Variants in NR6A1 observed in about 807,000 individuals in gnomAD.
NR6A1 encodes nuclear receptor subfamily 6 group A member 1, also known as retinoic acid receptor-related testis-associated receptor.
In NR6A1, 7 loss-of-function variants were observed where a neutral mutation model predicts 59.1. The observed-to-expected ratio is 0.12, with a 90% CI of 0.07 to 0.22. The LOEUF (loss-of-function observed/expected upper bound fraction) is 0.22, where lower values mean the gene tolerates loss of function less well. NR6A1 is among the 10% of genes least tolerant of loss of function. The pLI is 1.00. For synonymous variants in NR6A1, 243 were observed against 236.1 expected (o/e 1.03, Z -0.27); for missense variants, 468 against 611.6 (o/e 0.77, Z 2.48).
At chr9:124,636,044 A>C (rs1403553647) in intron 2 of NR6A1, among the ~76,000 whole-genome samples, 1 of 152,160 alleles carries the variant, frequency 6.6e-6, no homozygotes, top group Non-Finnish European at 1.5e-5. Context: ...AATTTTGGCC[A>C]TTCTAATAGT....
rs181539278 is a variant in NR6A1, at chr9:124,550,807, A to G, written c.385+3521T>C. On this transcript the variant is annotated intron_variant, in intron 3 of 9. Transcript: ENST00000487099. ...TGCCTTGGCCTCCCAAAGTGCTGGG[A>G]TTACAGGTGTGAGCCACTAAGCCTG... Among the ~76,000 whole-genome samples the G allele has an allele frequency of 7.8e-3, 1,189 of 152,230 alleles. 10 individuals are homozygous for G. Among genetic ancestry groups the G allele is most frequent in the South Asian group, 0.023 (111 of 4,808 alleles).
intron 2 of NR6A1, among the ~76,000 whole-genome samples, chr9:124,664,169 C>T (rs1375488951): frequency 3.3e-5 from 5 of 152,104 alleles, no homozygotes; most frequent in Non-Finnish European, 7.4e-5. Flanking sequence ...GATAATAATC[C>T]AGCAGGAATG....
chr9:124,566,202 G>C (rs1834235569), intron 2 of NR6A1, among the ~76,000 whole-genome samples: 1 of 152,184 alleles, frequency 6.6e-6, no homozygotes, highest in African/African-American at 2.4e-5. Context: ...AAATACTATA[G>C]GATTCCATTT....
At chr9:124,725,633 A>T (rs1338523214) in intron 2 of NR6A1, among the ~76,000 whole-genome samples, 1 of 152,136 alleles carries the variant, frequency 6.6e-6, no homozygotes, top group East Asian at 1.9e-4. Flanking sequence ...AAGATACAAC[A>T]CAAGGAAATC....
intron 2 of NR6A1, among the ~76,000 whole-genome samples, chr9:124,640,402 TA>T (rs1836736045): frequency 6.6e-6 from 1 of 152,110 alleles, no homozygotes; most frequent in South Asian, 2.1e-4. Flanking sequence ...TATTCTGTGT[TA>T]TTTTGGTTTT....
Position 124,541,861 on chromosome 9 carries a change from T to C in NR6A1, c.442-1674A>G, listed in dbSNP as rs575843261. Among the ~76,000 whole-genome samples, 90 of 152,326 alleles carry C rather than the reference T, an allele frequency of 5.9e-4. 1 individual carries two copies. In the South Asian group the frequency reaches 0.018, roughly 31 times the overall value. The stretch of plus-strand genomic sequence containing the variant: ...CTTAAAAAAGAGGAAAGTCCTGTTA[T>C]AAGCTATACCAAGGGGGAACCATGA... On this transcript the variant is annotated intron_variant, in intron 4 of 9. Coordinates refer to ENST00000487099, the MANE Select transcript of NR6A1 (RefSeq NM_033334.4).
chr9:124,690,749 C>A (rs1468227696), intron 2 of NR6A1, among the ~76,000 whole-genome samples: 1 of 152,074 alleles, frequency 6.6e-6, no homozygotes, highest in Non-Finnish European at 1.5e-5. Context: ...TTTATCCTTG[C>A]ACCGAGTATA....
intron 2 of NR6A1, among the ~76,000 whole-genome samples, chr9:124,655,866 A>G (rs1176285455): frequency 6.6e-6 from 1 of 152,240 alleles, no homozygotes; most frequent in Non-Finnish European, 1.5e-5. Flanking sequence ...CTGTCTTGAT[A>G]GCAAAAAAGT....
rs116943476 is a variant in NR6A1, at chr9:124,543,254, G to A, written c.441+548C>T. 6.4e-3 allele frequency among the ~76,000 whole-genome samples: 977 copies of A among 152,216 alleles called. 3 individuals carry two copies. The highest frequency in any genetic ancestry group is 0.01 in the Middle Eastern group (3 of 294). On this transcript the variant is annotated intron_variant, in intron 4 of 9. Transcript: ENST00000487099. ...AAGCAGAATAGATGCCCCTCCCTCT[G>A]TAGTCCCTGGGCATCCTCTGTTACC...
Position 124,698,003 on chromosome 9 carries a change from T to C in NR6A1, c.142+35305A>G, listed in dbSNP as rs1407113788. ...ATGTGCATGTGTTGTGTGTGTGTTT[T>C]GTAAGCGCTGCCAAGCATGACTGGC... On this transcript the variant is annotated intron_variant, in intron 2 of 9. Transcript: ENST00000487099. Among the ~76,000 whole-genome samples the C allele has an allele frequency of 4.6e-5, 7 of 152,200 alleles. No individual in the cohort carries two copies. The East Asian group carries it at 1.3e-3, about 29-fold the overall frequency.
chr9:124,662,968 T>C (rs1054420040), intron 2 of NR6A1, among the ~76,000 whole-genome samples: 8 of 152,196 alleles, frequency 5.3e-5, no homozygotes, highest in Non-Finnish European at 1.2e-4. Flanking sequence ...AAAAGCTATA[T>C]TAGAAATACA....
At position 124,771,099 on chromosome 9, in the gene NR6A1, C is replaced by A; in HGVS notation, c.21G>T (p.Pro7=). The A allele has an allele frequency of 8.1e-7, 1 of 1,230,108 alleles. No individual in the cohort carries two copies. The highest frequency in any genetic ancestry group is 4.1e-5 in the South Asian group (1 of 24,336). The allele number at this position is 1,230,108 out of a possible 1,614,324, so 76.2% of individuals were successfully genotyped here. Residue 7 remains proline (P), a synonymous_variant, in exon 1 of 10, where the codon CCG becomes CCT. Transcript: ENST00000487099. MERDEP[P]PSGGGGGGGS... ...CCCCGCCGCCTCCCCCTCCGCTAGG[C>A]GGCGGTTCGTCCCGCTCCATGCGGT...
intron 7 of NR6A1, among the ~76,000 whole-genome samples, chr9:124,529,904 C>CT (rs147094939): frequency 0.01 from 1,577 of 151,960 alleles, 29 homozygotes; most frequent in African/African-American, 0.035. Context: ...CAGTATCTGA[C>CT]TGGAGGGGTG....
chr9:124,540,081 C>T lies in NR6A1; in HGVS notation c.548G>A (p.Arg183Lys), dbSNP rs1231805941. The change falls in exon 5 of 10, where the codon AGG becomes AAG. Residue 183 changes from arginine (R) to lysine (K), a missense_variant. By Grantham distance (26) the Arg-to-Lys change is conservative. Coordinates refer to ENST00000487099, the MANE Select transcript of NR6A1 (RefSeq NM_033334.4). ...TGAGGGCTGGTTGCTCTCCGAAGCC[C>T]TGTTCCCAGGGGAACTGTGGTCACT... ...GDSDHSSPGN[R>K]ASESNQPSPG... 1 of 1,613,280 alleles carries T rather than the reference C, an allele frequency of 6.2e-7. No homozygotes were observed. The highest frequency in any genetic ancestry group is 1.1e-5 in the South Asian group (1 of 90,932).
chr9:124,559,047 T>C (rs565326792), intron 2 of NR6A1, among the ~76,000 whole-genome samples: 21 of 152,288 alleles, frequency 1.4e-4, no homozygotes, highest in Non-Finnish European at 2.4e-4. Context: ...TCTTATCTTA[T>C]AGATAAGGCA....
At chr9:124,663,612 T>G (rs1338640729) in intron 2 of NR6A1, among the ~76,000 whole-genome samples, 1 of 152,198 alleles carries the variant, frequency 6.6e-6, no homozygotes, top group Non-Finnish European at 1.5e-5. Context: ...ATGCCAATTC[T>G]GTGAACACTC....
At chr9:124,646,648 C>T (rs145071730) in intron 2 of NR6A1, among the ~76,000 whole-genome samples, 10 of 152,226 alleles carry the variant, frequency 6.6e-5, no homozygotes, top group South Asian at 2.1e-4. Flanking sequence ...CTAACACTAA[C>T]ACTAACAATA....
chr9:124,604,662 T>C (rs764927367), intron 2 of NR6A1, among the ~76,000 whole-genome samples: 1 of 151,882 alleles, frequency 6.6e-6, no homozygotes, highest in Non-Finnish European at 1.5e-5. Flanking sequence ...TACAAAAAAT[T>C]AGCTGGGTGT....
intron 2 of NR6A1, among the ~76,000 whole-genome samples, chr9:124,588,324 T>A (rs1053123189): frequency 1.3e-5 from 2 of 151,944 alleles, no homozygotes; most frequent in African/African-American, 4.8e-5. Flanking sequence ...CTAGAATTTT[T>A]CATGATGGAG....
Sources: gnomAD v4.1 joint callset for allele counts (sites outside exome capture counted in the v4.1 genomes callset) on GRCh38, gnomAD v4.1.1 for gene constraint, MANE v1.5 for transcripts, NCBI Gene and HGNC (gene_info 2026-07-23, HGNC 2026-07-21) for gene names.